KCNH5: variants seen among roughly 807,000 people sequenced by gnomAD.
The protein encoded by KCNH5 is voltage-gated delayed rectifier potassium channel KCNH5.
Under a neutral mutation model 96.1 loss-of-function variants are expected in KCNH5, and 46 were observed. That is an observed-to-expected ratio of 0.48 (90% CI 0.38 to 0.61). The LOEUF (loss-of-function observed/expected upper bound fraction) is 0.61, where lower values mean the gene tolerates loss of function less well. Ranked by LOEUF, KCNH5 falls within the 20% of genes least tolerant of loss-of-function variation. KCNH5 has a pLI of 0.00. For missense variants in KCNH5, 907 were observed against 1,225.8 expected (o/e 0.74, Z 3.88); for synonymous variants, 439 against 449.8 (o/e 0.98, Z 0.30).
chr14:62,822,530 T>C (rs765254501), intron 8 of KCNH5, among the ~76,000 whole-genome samples: 21 of 152,080 alleles, frequency 1.4e-4, no homozygotes, highest in Non-Finnish European at 2.6e-4. Flanking sequence ...AGATAGTATT[T>C]CAACCAACTG....
intron 7 of KCNH5, among the ~76,000 whole-genome samples, chr14:62,864,052 A>T (rs983400766): frequency 1.3e-5 from 2 of 152,136 alleles, no homozygotes; most frequent in African/African-American, 4.8e-5. Context: ...TCTCTGTTAT[A>T]ATACCATCTG....
intron 7 of KCNH5, among the ~76,000 whole-genome samples, chr14:62,868,516 G>A (rs1052670462): frequency 6.6e-6 from 1 of 152,036 alleles, no homozygotes; most frequent in Non-Finnish European, 1.5e-5. Flanking sequence ...TTCTGTTTCT[G>A]AGCAATTATC....
intron 3 of KCNH5, among the ~76,000 whole-genome samples, chr14:63,004,697 T>C (rs990690877): frequency 2.0e-5 from 3 of 152,184 alleles, no homozygotes; most frequent in Non-Finnish European, 4.4e-5. Flanking sequence ...CTCGAACTCC[T>C]GGGCTCAAGC....
intron 7 of KCNH5, among the ~76,000 whole-genome samples, chr14:62,907,401 G>A (rs773281378): frequency 5.3e-5 from 8 of 152,164 alleles, no homozygotes; most frequent in Non-Finnish European, 8.8e-5. Context: ...AGTCTGCCAT[G>A]ATTTGTCTTC....
chr14:62,910,380 C>T (rs144981728), intron 7 of KCNH5, among the ~76,000 whole-genome samples: 58 of 151,682 alleles, frequency 3.8e-4, no homozygotes, highest in African/African-American at 1.3e-3. Flanking sequence ...AGAAATGTAA[C>T]AAGACAAGGA....
At chr14:62,944,690 G>T (rs556182873) in intron 7 of KCNH5, among the ~76,000 whole-genome samples, 45 of 152,238 alleles carry the variant, frequency 3.0e-4, no homozygotes, top group African/African-American at 1.1e-3. Flanking sequence ...TTGGAACTGT[G>T]CAAAGGTACT....
At chr14:62,792,729 A>G (rs981674730) in intron 9 of KCNH5, among the ~76,000 whole-genome samples, 3 of 151,618 alleles carry the variant, frequency 2.0e-5, no homozygotes, top group Admixed American at 6.6e-5. Flanking sequence ...ACCTCATTCA[A>G]TTAACGAATC....
chr14:62,716,428 G>A (rs1421862524), intron 10 of KCNH5, among the ~76,000 whole-genome samples: 1 of 152,076 alleles, frequency 6.6e-6, no homozygotes, highest in Non-Finnish European at 1.5e-5. Flanking sequence ...TCCAGCAGTG[G>A]TCCAGCCCTA....
chr14:62,996,730 G>A (rs2139585779), intron 4 of KCNH5, among the ~76,000 whole-genome samples: 1 of 152,232 alleles, frequency 6.6e-6, no homozygotes, highest in Non-Finnish European at 1.5e-5. Context: ...AAATAGATAT[G>A]TAGTTACTGA....
intron 7 of KCNH5, among the ~76,000 whole-genome samples, chr14:62,906,697 G>A (rs577321805): frequency 6.6e-6 from 1 of 152,060 alleles, no homozygotes; most frequent in Admixed American, 6.5e-5. Context: ...GGGTTATATT[G>A]TTTACTCACC....
intron 2 of KCNH5, among the ~76,000 whole-genome samples, chr14:63,006,690 C>T (rs1020763926): frequency 1.3e-5 from 2 of 152,178 alleles, no homozygotes; most frequent in African/African-American, 2.4e-5. Flanking sequence ...ACACCAGTTC[C>T]ACAGCACAGT....
chr14:62,700,140 AC>A lies in KCNH5; in HGVS notation c.*7367del, dbSNP rs1420702015. 3 of 152,218 alleles carry A rather than the reference AC, an allele frequency of 2.0e-5. No homozygotes were observed. The highest frequency in any genetic ancestry group is 7.2e-5 in the African/African-American group (3 of 41,458). 9.4% of individuals were successfully genotyped at this position (152,218 alleles called of 1,614,324 possible). Reference sequence around the variant, plus strand: ...ATACAAAATGCCACAACTAGTGTAAACAAAGTCACTAGAACATAGACTAAAA... The same window carrying A: ...ATACAAAATGCCACAACTAGTGTAAAAAAGTCACTAGAACATAGACTAAAA... On this transcript the variant is annotated 3_prime_UTR_variant, in exon 11 of 11. Transcript: ENST00000322893.
chr14:63,022,418 T>C (rs958835178), intron 1 of KCNH5, among the ~76,000 whole-genome samples: 5 of 152,136 alleles, frequency 3.3e-5, no homozygotes, highest in Admixed American at 6.6e-5. Context: ...CTTCAATGGA[T>C]TTTTTATACT....
chr14:63,044,898 G>A (rs866980380), intron 1 of KCNH5, among the ~76,000 whole-genome samples: 50 of 152,266 alleles, frequency 3.3e-4, no homozygotes, highest in African/African-American at 1.2e-3. Flanking sequence ...GGGAGGGGGT[G>A]AGTCTGTCTG....
At chr14:62,875,788 A>G (rs1349018722) in intron 7 of KCNH5, among the ~76,000 whole-genome samples, 1 of 152,198 alleles carries the variant, frequency 6.6e-6, no homozygotes, top group Non-Finnish European at 1.5e-5. Flanking sequence ...AGGCCGAGGC[A>G]AGTGGATCAC....
At chr14:62,970,044 T>TA (rs373852520) in intron 6 of KCNH5, among the ~76,000 whole-genome samples, 636 of 30,338 alleles carry the variant, frequency 0.021, 38 homozygotes, top group African/African-American at 0.056. Flanking sequence ...AGACTCCGTC[T>TA]AAAAAAAAAA....
At chr14:63,021,783 G>A (rs1273870845) in intron 1 of KCNH5, among the ~76,000 whole-genome samples, 2 of 151,898 alleles carry the variant, frequency 1.3e-5, no homozygotes, top group African/African-American at 2.4e-5. Flanking sequence ...AGAAGCGTTG[G>A]TAACCACTCC....
At chr14:62,893,600 A>G (rs1020708369) in intron 7 of KCNH5, among the ~76,000 whole-genome samples, 1 of 152,132 alleles carries the variant, frequency 6.6e-6, no homozygotes, top group Non-Finnish European at 1.5e-5. Context: ...CACTAAAAAT[A>G]CAAAAATTAG....
At chr14:62,842,886 T>A (rs1887614066) in intron 8 of KCNH5, among the ~76,000 whole-genome samples, 1 of 152,198 alleles carries the variant, frequency 6.6e-6, no homozygotes, top group South Asian at 2.1e-4. Context: ...CTTAAATACA[T>A]ATATGTAAAT....
Sources: allele counts gnomAD v4.1 joint callset (sites outside exome capture counted in the v4.1 genomes callset), GRCh38; gene constraint gnomAD v4.1.1; transcripts MANE v1.5; gene names NCBI Gene and HGNC (gene_info 2026-07-23, HGNC 2026-07-21).